Variants in RNF152 observed in about 807,000 individuals in gnomAD.
The protein encoded by RNF152 is ring finger protein 152.
Under a neutral mutation model 12.7 loss-of-function variants are expected in RNF152, and 11 were observed. That is an observed-to-expected ratio of 0.86 (90% CI 0.54 to 1.43). The LOEUF is 1.43. Among genes scored for constraint, RNF152 ranks in the 40% most tolerant of loss-of-function variants. The pLI is 0.00. For synonymous variants in RNF152, 113 were observed against 120.3 expected (o/e 0.94, Z 0.40); for missense variants, 255 against 274.8 (o/e 0.93, Z 0.51).
At chr18:61,875,668 C>T (rs1004259696) in intron 1 of RNF152, among the ~76,000 whole-genome samples, 2 of 152,124 alleles carry the variant, frequency 1.3e-5, no homozygotes, top group African/African-American at 2.4e-5. Flanking sequence ...ATTTTATATC[C>T]GTTACCATTA....
intron 1 of RNF152, among the ~76,000 whole-genome samples, chr18:61,871,551 C>T (rs12967834): frequency 0.04 from 6,082 of 152,182 alleles, 180 homozygotes; most frequent in Non-Finnish European, 0.062. Context: ...TGCCCTCAGC[C>T]GACCAAATGA....
intron 1 of RNF152, among the ~76,000 whole-genome samples, chr18:61,874,738 A>C (rs994797420): frequency 6.6e-6 from 1 of 152,206 alleles, no homozygotes. Context: ...TAATTTAACT[A>C]CTTGGGTTTA....
intron 1 of RNF152, among the ~76,000 whole-genome samples, chr18:61,818,336 C>T (rs762668255): frequency 6.6e-6 from 1 of 151,946 alleles, no homozygotes; most frequent in Non-Finnish European, 1.5e-5. Flanking sequence ...GGTGGGAGGA[C>T]CACCTGAGCC....
At chr18:61,862,521 G>C (rs973930045) in intron 1 of RNF152, among the ~76,000 whole-genome samples, 2 of 152,140 alleles carry the variant, frequency 1.3e-5, no homozygotes, top group African/African-American at 4.8e-5. Context: ...CTGGGGACAG[G>C]AATGCTAGTG....
At chr18:61,878,247 G>A (rs527520728) in intron 1 of RNF152, among the ~76,000 whole-genome samples, 13 of 152,244 alleles carry the variant, frequency 8.5e-5, no homozygotes, top group African/African-American at 2.9e-4. Context: ...ATCTTTGATT[G>A]AACTGGGACA....
chr18:61,833,866 T>C (rs1269785404), intron 1 of RNF152, among the ~76,000 whole-genome samples: 2 of 147,240 alleles, frequency 1.4e-5, no homozygotes, highest in Non-Finnish European at 3.0e-5. Flanking sequence ...TTTCATAACC[T>C]GGTTGCCATT....
rs1909035557 is a variant in RNF152, at chr18:61,815,802, C to T, written c.*50G>A. On this transcript the variant is annotated 3_prime_UTR_variant, in exon 2 of 2. Coordinates refer to ENST00000312828, the MANE Select transcript of RNF152 (RefSeq NM_173557.3). Reference sequence around the variant, plus strand: ...TTCTCACTGGGATCTCATCATCAACCTGCTCAACCCCTAAGTTGGCACCCA... The same window carrying T: ...TTCTCACTGGGATCTCATCATCAACTTGCTCAACCCCTAAGTTGGCACCCA... The T allele has an allele frequency of 6.3e-7, 1 of 1,583,008 alleles. No individual in the cohort carries two copies. The highest frequency in any genetic ancestry group is 1.2e-5 in the South Asian group (1 of 85,408).
chr18:61,861,591 T>C (rs1170476091), intron 1 of RNF152, among the ~76,000 whole-genome samples: 1 of 152,232 alleles, frequency 6.6e-6, no homozygotes, highest in Non-Finnish European at 1.5e-5. Flanking sequence ...TTAGTCCATT[T>C]AGTGTTGCTA....
Position 61,844,096 on chromosome 18 carries a change from A to AAGAAAGAAAGAAAGAAAGAAAGAAAG in RNF152, c.-135-27524_-135-27499dup, listed in dbSNP as rs1568275260. 4.8e-4 allele frequency among the ~76,000 whole-genome samples: 59 copies of AAGAAAGAAAGAAAGAAAGAAAGAAAG among 122,078 alleles called. 1 individual carries two copies. Among genetic ancestry groups the AAGAAAGAAAGAAAGAAAGAAAGAAAG allele is most frequent in the Admixed American group, 1.0e-3 (12 of 12,036 alleles). The allele number at this position is 122,078 out of a possible 152,430, so 80.1% of individuals were successfully genotyped here. A position where few individuals can be genotyped will look rare whatever the true frequency, so the allele number is the denominator to read the frequency against. On this transcript the variant is annotated intron_variant, in intron 1 of 1. Coordinates refer to ENST00000312828, the MANE Select transcript of RNF152 (RefSeq NM_173557.3). ...AAGAAAGGAAAGAAAGAAAGAAAGAAAGAAAGAAAGAAAGAAAGAAAGAAA... is the reference window on the plus strand; with the variant it reads ...AAGAAAGGAAAGAAAGAAAGAAAGAAAGAAAGAAAGAAAGAAAGAAAGAAAGAGAAAGAAAGAAAGAAAGAAAGAAA...
In RNF152 at chr18:61,836,096, A is replaced by G. The variant is rs1178228240; in HGVS notation, c.-135-19498T>C. 2.0e-5 allele frequency among the ~76,000 whole-genome samples: 3 copies of G among 152,242 alleles called. No individual in the cohort carries two copies. The East Asian group carries it at 5.8e-4, about 29-fold the overall frequency. ...GTGACAGTCTAGTAACAATGAGCACACTTAGTTCCTAGATCTTGGTATCTA... is the reference window on the plus strand; with the variant it reads ...GTGACAGTCTAGTAACAATGAGCACGCTTAGTTCCTAGATCTTGGTATCTA... On this transcript the variant is annotated intron_variant, in intron 1 of 1. Coordinates refer to ENST00000312828, the MANE Select transcript of RNF152 (RefSeq NM_173557.3).
intron 1 of RNF152, among the ~76,000 whole-genome samples, chr18:61,846,236 C>T (rs1301421245): frequency 1.3e-5 from 2 of 152,118 alleles, no homozygotes; most frequent in East Asian, 1.9e-4. Context: ...CTTGCCTTTT[C>T]CTCAATCTTT....
At chr18:61,829,476 C>A (rs1909828438) in intron 1 of RNF152, among the ~76,000 whole-genome samples, 1 of 150,320 alleles carries the variant, frequency 6.7e-6, no homozygotes, top group African/African-American at 2.5e-5. Flanking sequence ...AAACAAGGCC[C>A]AGGGAGAGAG....
In RNF152 at chr18:61,810,193, A is replaced by G. The variant is rs1254439066; in HGVS notation, c.*5659T>C. On this transcript the variant is annotated 3_prime_UTR_variant, in exon 2 of 2. Coordinates refer to ENST00000312828, the MANE Select transcript of RNF152 (RefSeq NM_173557.3). The stretch of plus-strand genomic sequence containing the variant: ...TTAAGAAATTAGCATCTAATCCAAT[A>G]TTGTATAACTCACAAATTGGAAAAC... 6.6e-6 allele frequency: 1 copy of G among 152,230 alleles called. No homozygotes were observed. The highest frequency in any genetic ancestry group is 1.5e-5 in the Non-Finnish European group (1 of 68,040). 9.4% of individuals were successfully genotyped at this position (152,230 alleles called of 1,614,324 possible).
chr18:61,871,277 G>C (rs1453667102), intron 1 of RNF152, among the ~76,000 whole-genome samples: 1 of 140,948 alleles, frequency 7.1e-6, no homozygotes, highest in Non-Finnish European at 1.5e-5. Context: ...TCTGGACTCA[G>C]ACACATCATT....
chr18:61,861,825 C>CTATT (rs1160292426), intron 1 of RNF152, among the ~76,000 whole-genome samples: 1 of 152,114 alleles, frequency 6.6e-6, no homozygotes, highest in Middle Eastern at 3.2e-3. Flanking sequence ...CTCATGGAAA[C>CTATT]TAATAGAGTG....
intron 1 of RNF152, among the ~76,000 whole-genome samples, chr18:61,836,065 G>C (rs1224785099): frequency 6.6e-6 from 1 of 152,192 alleles, no homozygotes; most frequent in African/African-American, 2.4e-5. Context: ...GAAAGGCCTA[G>C]AAACAGTGAC....
Position 61,811,485 on chromosome 18 carries a change from T to A in RNF152, c.*4367A>T, listed in dbSNP as rs955173516. The A allele has an allele frequency of 1.3e-5, 2 of 152,224 alleles. No individual in the cohort carries two copies. Among genetic ancestry groups the A allele is most frequent in the African/African-American group, 4.8e-5 (2 of 41,468 alleles). The allele number at this position is 152,224 out of a possible 1,614,324, so 9.4% of individuals were successfully genotyped here. ...CAACTCTTTCAGGGATAACTGAAAT[T>A]TTTGCTTAAAAAAGAAAGACACTAA... On this transcript the variant is annotated 3_prime_UTR_variant, in exon 2 of 2. Coordinates refer to ENST00000312828, the MANE Select transcript of RNF152 (RefSeq NM_173557.3).
chr18:61,858,138 G>A (rs932511702), intron 1 of RNF152, among the ~76,000 whole-genome samples: 2 of 152,288 alleles, frequency 1.3e-5, no homozygotes, highest in South Asian at 2.1e-4. Context: ...AAACTTAGTA[G>A]AGACATTTAG....
At chr18:61,818,527 T>C (rs1322178241) in intron 1 of RNF152, among the ~76,000 whole-genome samples, 1 of 152,184 alleles carries the variant, frequency 6.6e-6, no homozygotes, top group East Asian at 1.9e-4. Flanking sequence ...ATCAACATAC[T>C]TTAAAATACA....
Sources: gnomAD v4.1 joint callset for allele counts (sites outside exome capture counted in the v4.1 genomes callset) on GRCh38, gnomAD v4.1.1 for gene constraint, MANE v1.5 for transcripts, NCBI Gene and HGNC (gene_info 2026-07-23, HGNC 2026-07-21) for gene names.